The following MCTS1 variants were observed in gnomAD, a reference collection of about 807,000 sequenced individuals.
The protein encoded by MCTS1 is malignant T-cell-amplified sequence 1.
For synonymous variants in MCTS1, 26 were observed against 40.8 expected (o/e 0.64, Z 1.38); for missense variants, 55 against 128.6 (o/e 0.43, Z 2.77).
rs1302157934 is a variant in MCTS1, at chrX:120,618,235, A to G, written c.*5971A>G. Among the ~76,000 whole-genome samples, 2 of 112,657 alleles carry G rather than the reference A, an allele frequency of 1.8e-5. No homozygotes were observed. The highest frequency in any genetic ancestry group is 3.7e-5 in the Non-Finnish European group (2 of 53,371). ...GCTTCCCTTATCAGTGGAGCTTGAG[A>G]TGTCTGTTCCTGCCGACTGATGTTT... is the stretch of plus-strand genomic sequence containing the variant. On this transcript the variant is annotated 3_prime_UTR_variant, in exon 6 of 6. Transcript: ENST00000371317.
Position 120,613,557 on chromosome X carries a change from CTTAAA to C in MCTS1, c.*1297_*1301del, listed in dbSNP as rs747120480. On this transcript the variant is annotated 3_prime_UTR_variant, in exon 6 of 6. Transcript: ENST00000371317. ...TTATAAGTTACCTTTTCTTTTCCCC[CTTAAA>C]TTATTTAAGAAATCTAGTTGTTTTG... Among the ~76,000 whole-genome samples the C allele has an allele frequency of 4.6e-4, 52 of 112,341 alleles. No individual in the cohort carries two copies. Among genetic ancestry groups the C allele is most frequent in the African/African-American group, 1.6e-3 (51 of 30,978 alleles).
chrX:120,607,055 G>A (rs1227833899), intron 3 of MCTS1, among the ~76,000 whole-genome samples: 1 of 105,447 alleles, frequency 9.5e-6, no homozygotes, highest in Non-Finnish European at 1.9e-5. Flanking sequence ...CATTGACTAA[G>A]TGTCCTTCCG....
intron 2 of MCTS1, 118 bp downstream of exon 2, chrX:120,605,677 T>A: frequency 1.4e-6 from 1 of 714,791 alleles, no homozygotes; most frequent in South Asian, 3.4e-5. Flanking sequence ...AATAATGGGG[T>A]AGACACAGAA....
In MCTS1 at chrX:120,620,240, G is replaced by A. The variant is rs1490445071; in HGVS notation, c.*7976G>A. On this transcript the variant is annotated 3_prime_UTR_variant, in exon 6 of 6. Transcript: ENST00000371317. ...GGAGAGTGGCATGAACCCGGGAGGCGGAGCTTGCAGTGAGCTGAGATCGCA... is the reference window on the plus strand; with the variant it reads ...GGAGAGTGGCATGAACCCGGGAGGCAGAGCTTGCAGTGAGCTGAGATCGCA... Among the ~76,000 whole-genome samples, 1 of 110,029 alleles carries A rather than the reference G, an allele frequency of 9.1e-6. No individual in the cohort carries two copies. Among genetic ancestry groups the A allele is most frequent in the Non-Finnish European group, 1.9e-5 (1 of 52,793 alleles).
chrX:120,605,681 C>A, intron 2 of MCTS1, 122 bp downstream of exon 2: 1 of 679,409 alleles, frequency 1.5e-6, no homozygotes, highest in Non-Finnish European at 2.1e-6. Flanking sequence ...ATGGGGTAGA[C>A]ACAGAATAAC....
At chrX:120,604,762 G>A (rs1474963401) in intron 1 of MCTS1, 1 of 1,089,952 alleles carries the variant, frequency 9.2e-7, no homozygotes, top group African/African-American at 1.9e-5. Context: ...TGCCCCATAG[G>A]CTATTCAGTG....
Position 120,618,453 on chromosome X carries a change from C to A in MCTS1, c.*6189C>A, listed in dbSNP as rs1428732016. On this transcript the variant is annotated 3_prime_UTR_variant, in exon 6 of 6. Coordinates refer to ENST00000371317, the MANE Select transcript of MCTS1 (RefSeq NM_014060.3). ...TCCTTTTTGCTCTGTAGGCTCTGGA[C>A]AGCTTTCTTAGAGTTGACTTATCCA... 8.9e-6 allele frequency among the ~76,000 whole-genome samples: 1 copy of A among 112,246 alleles called. No individual in the cohort carries two copies. The highest frequency in any genetic ancestry group is 2.8e-4 in the East Asian group (1 of 3,614).
chrX:120,605,381 CT>C (rs1366964409), intron 1 of MCTS1, 25 bp from the exon 2 acceptor site: 2 of 1,150,507 alleles, frequency 1.7e-6, no homozygotes, highest in East Asian at 6.4e-5. Flanking sequence ...AATGCCTTTT[CT>C]TTTCTTGCAA....
chrX:120,611,126 AC>A, intron 5 of MCTS1, 48 bp downstream of exon 5: 1 of 1,102,479 alleles, frequency 9.1e-7, no homozygotes, highest in Non-Finnish European at 1.2e-6. Context: ...TGGGTAACCA[AC>A]CCAGGAAGCA....
At chrX:120,611,759 C>T (rs978889382) in intron 5 of MCTS1, among the ~76,000 whole-genome samples, 1 of 112,124 alleles carries the variant, frequency 8.9e-6, no homozygotes, top group African/African-American at 3.2e-5. Context: ...ATCTCACCAC[C>T]ACACAGTATC....
intron 4 of MCTS1, 46 bp from the exon 5 acceptor site, chrX:120,610,965 C>T: frequency 8.5e-7 from 1 of 1,173,151 alleles, no homozygotes; most frequent in Non-Finnish European, 1.2e-6. Flanking sequence ...GATGGGGAGG[C>T]CCCAAGGCAT....
chrX:120,616,065 AAATAT>A lies in MCTS1; in HGVS notation c.*3802_*3806del, dbSNP rs1406649338. Reference sequence around the variant, plus strand: ...ATTCGTGGAGGTGTTTCATTATAATAAATATGTCACTTATTAATAATGTAGCAATT... The same window carrying A: ...ATTCGTGGAGGTGTTTCATTATAATAGTCACTTATTAATAATGTAGCAATT... On this transcript the variant is annotated 3_prime_UTR_variant, in exon 6 of 6. Coordinates refer to ENST00000371317, the MANE Select transcript of MCTS1 (RefSeq NM_014060.3). 3.5e-5 allele frequency among the ~76,000 whole-genome samples: 4 copies of A among 112,814 alleles called. No individual in the cohort carries two copies. Among genetic ancestry groups the A allele is most frequent in the Non-Finnish European group, 5.6e-5 (3 of 53,412 alleles).
chrX:120,604,339 TC>T, intron 1 of MCTS1, 92 bp downstream of exon 1: 1 of 1,104,079 alleles, frequency 9.1e-7, no homozygotes. Flanking sequence ...TCTTTCTCTC[TC>T]CCCCGCCCCT....
In MCTS1 at chrX:120,612,873, A is replaced by G. The variant is rs779447585; in HGVS notation, c.*609A>G. On this transcript the variant is annotated 3_prime_UTR_variant, in exon 6 of 6. Transcript: ENST00000371317. Reference sequence around the variant, plus strand: ...CTCAATTATTTCTCCCCACCCCCCAATTATTTTGAAGCAAATCCCAGACAT... The same window carrying G: ...CTCAATTATTTCTCCCCACCCCCCAGTTATTTTGAAGCAAATCCCAGACAT... Among the ~76,000 whole-genome samples the G allele has an allele frequency of 4.6e-5, 5 of 107,556 alleles. No individual in the cohort carries two copies. The highest frequency in any genetic ancestry group is 1.0e-4 in the African/African-American group (3 of 29,513). The allele number at this position is 107,556 out of a possible 115,157, so 93.4% of individuals were successfully genotyped here. A position where few individuals can be genotyped will look rare whatever the true frequency, so the allele number is the denominator to read the frequency against.
In MCTS1 at chrX:120,604,904, T is replaced by C. The variant is rs755934878; in HGVS notation, c.12-503T>C. The C allele has an allele frequency of 4.1e-5, 46 of 1,134,298 alleles. No homozygotes were observed. The African/African-American group carries it at 7.6e-4, about 19-fold the overall frequency. 93.5% of individuals were successfully genotyped at this position (1,134,298 alleles called of 1,213,427 possible). On this transcript the variant is annotated intron_variant, in intron 1 of 5. Coordinates refer to ENST00000371317, the MANE Select transcript of MCTS1 (RefSeq NM_014060.3). ...GCATGAAATTTTGAGCAAAAACGAA[T>C]AGGGATCTTAGAAATCATTATTATC...
At chrX:120,610,933 C>A in intron 4 of MCTS1, 78 bp from the exon 5 acceptor site, 1 of 1,052,397 alleles carries the variant, frequency 9.5e-7, no homozygotes, top group South Asian at 1.9e-5. Flanking sequence ...GTAACATGAT[C>A]ATTATTTGAC....
rs748243216 is a variant in MCTS1 at position 120,614,287 on chromosome X, G to A, written c.*2023G>A. ...ATGGTAAACAATTAGGAAACAGGAA[G>A]TTACTTGGTAAACACAGGTATGAGC... is the stretch of plus-strand genomic sequence containing the variant. On this transcript the variant is annotated 3_prime_UTR_variant, in exon 6 of 6. Coordinates refer to ENST00000371317, the MANE Select transcript of MCTS1 (RefSeq NM_014060.3). 7.8e-4 allele frequency among the ~76,000 whole-genome samples: 88 copies of A among 112,170 alleles called. 1 individual carries two copies. The highest frequency in any genetic ancestry group is 1.5e-3 in the Non-Finnish European group (82 of 53,253).
Position 120,613,905 on chromosome X carries a change from A to T in MCTS1, c.*1641A>T, listed in dbSNP as rs770786142. 8.9e-6 allele frequency among the ~76,000 whole-genome samples: 1 copy of T among 112,678 alleles called. No homozygotes were observed. Among genetic ancestry groups the T allele is most frequent in the East Asian group, 2.8e-4 (1 of 3,606 alleles). On this transcript the variant is annotated 3_prime_UTR_variant, in exon 6 of 6. Transcript: ENST00000371317. ...GTTGTGGATTTATTTATTGATAAAG[A>T]CCATTTTTCTTCCTAATAACCTTGC...
chrX:120,604,728 T>G, intron 1 of MCTS1: 5 of 1,044,713 alleles, frequency 4.8e-6, no homozygotes, highest in Non-Finnish European at 6.2e-6. Context: ...GCTGCCAGAT[T>G]AACCTTGCCT....
Sources: gnomAD v4.1 joint callset for allele counts (sites outside exome capture counted in the v4.1 genomes callset) on GRCh38, gnomAD v4.1.1 for gene constraint, MANE v1.5 for transcripts, NCBI Gene and HGNC (gene_info 2026-07-23, HGNC 2026-07-21) for gene names.